Variants in ZMYND8 observed in about 807,000 individuals in gnomAD.
ZMYND8 encodes the protein zinc finger MYND-type containing 8, also known as MYND-type zinc finger-containing chromatin reader ZMYND8.
ZMYND8 carries 37 observed loss-of-function variants against 140.8 expected under a neutral mutation model. The ratio of observed to expected loss-of-function variants is 0.26; its 90% CI spans 0.20 to 0.35. The LOEUF (loss-of-function observed/expected upper bound fraction) is 0.35, where lower values mean the gene tolerates loss of function less well. Ranked by LOEUF, ZMYND8 falls within the 10% of genes least tolerant of loss-of-function variation. The pLI, the probability that ZMYND8 is intolerant of heterozygous loss-of-function variation, is 1.00. For synonymous variants in ZMYND8, 592 were observed against 597.1 expected (o/e 0.99, Z 0.12); for missense variants, 1,068 against 1,570.0 (o/e 0.68, Z 5.40).
chr20:47,224,482 G>C lies in ZMYND8; in HGVS notation c.3091C>G (p.Leu1031Val). ...ACCGCCTGCTGCTTCTCCAACTCCA[G>C]CTGCTTCTTCACCTCGGCGATGAGC... is the stretch of plus-strand genomic sequence containing the variant. Reference protein sequence around the residue: ...DRLIAEVKKQLELEKQQAVDE... With the variant: ...DRLIAEVKKQVELEKQQAVDE... Residue 1031 changes from leucine (L) to valine (V), a missense_variant, in exon 19 of 23, where the codon CTG becomes GTG. Leu to Val is a conservative substitution (Grantham distance 32). This residue lies in a region of ZMYND8 where 87 missense variants were observed against 151.1 expected (regional missense o/e 0.58). Coordinates refer to ENST00000471951, the MANE Select transcript of ZMYND8 (RefSeq NM_001281775.3). 2 of 1,614,234 alleles carry C rather than the reference G, an allele frequency of 1.2e-6. No individual in the cohort carries two copies. Among genetic ancestry groups the C allele is most frequent in the Non-Finnish European group, 1.7e-6 (2 of 1,180,056 alleles).
chr20:47,298,547 G>A lies in ZMYND8; in HGVS notation c.453+182C>T. The A allele has an allele frequency of 1.0e-6, 1 of 985,436 alleles. No homozygotes were observed. The highest frequency in any genetic ancestry group is 1.2e-6 in the Non-Finnish European group (1 of 829,934). The allele number at this position is 985,436 out of a possible 1,614,324, so 61.0% of individuals were successfully genotyped here. Reference sequence around the variant, plus strand: ...ATTCCGTGCAATTGTCTTTCCAAGAGCTGCAGTACTGCAGCCACTGCCGGT... The same window carrying A: ...ATTCCGTGCAATTGTCTTTCCAAGAACTGCAGTACTGCAGCCACTGCCGGT... On this transcript the variant is annotated intron_variant, in intron 4 of 22. Coordinates refer to ENST00000471951, the MANE Select transcript of ZMYND8 (RefSeq NM_001281775.3). The surrounding 1 kb of genome is among the most constrained non-coding windows in gnomAD (Gnocchi z 5.0).
At chr20:47,327,007 C>A (rs950944097) in intron 2 of ZMYND8, among the ~76,000 whole-genome samples, 1 of 152,048 alleles carries the variant, frequency 6.6e-6, no homozygotes, top group African/African-American at 2.4e-5. Flanking sequence ...TGGGGAGTTA[C>A]GGGAGGGTCA....
At chr20:47,303,011 A>AC (rs1483439925) in intron 3 of ZMYND8, among the ~76,000 whole-genome samples, 1 of 152,012 alleles carries the variant, frequency 6.6e-6, no homozygotes, top group Non-Finnish European at 1.5e-5. Flanking sequence ...ATACTCTAAC[A>AC]CCCTCACACA....
At chr20:47,286,379 A>C (rs1316637031) in intron 8 of ZMYND8, among the ~76,000 whole-genome samples, 1 of 151,930 alleles carries the variant, frequency 6.6e-6, no homozygotes, top group East Asian at 1.9e-4. Flanking sequence ...GGGTTTTGCC[A>C]TGTTGGCCAG....
chr20:47,215,458 A>G (rs2035952264), intron 21 of ZMYND8, among the ~76,000 whole-genome samples: 1 of 152,086 alleles, frequency 6.6e-6, no homozygotes, highest in Admixed American at 6.5e-5. Flanking sequence ...ACTGTATCAT[A>G]GCAGCAGCGG....
intron 11 of ZMYND8, 109 bp from the exon 12 acceptor site, chr20:47,262,537 A>T: frequency 6.9e-7 from 1 of 1,453,328 alleles, no homozygotes; most frequent in African/African-American, 1.4e-5. Flanking sequence ...GTTTGATTTC[A>T]GCAAGGCCGC....
intron 3 of ZMYND8, among the ~76,000 whole-genome samples, chr20:47,306,653 C>T (rs1023269947): frequency 1.5e-4 from 22 of 150,964 alleles, no homozygotes; most frequent in Non-Finnish European, 2.2e-4. Context: ...TCACTGCAAC[C>T]GCTGCCTCCC....
At chr20:47,302,040 T>C (rs539230631) in intron 3 of ZMYND8, among the ~76,000 whole-genome samples, 1 of 152,320 alleles carries the variant, frequency 6.6e-6, no homozygotes, top group African/African-American at 2.4e-5. Context: ...ACCTTGATTG[T>C]AAGTTTCCTG....
chr20:47,271,307 T>C (rs149782480), intron 11 of ZMYND8, among the ~76,000 whole-genome samples: 80 of 152,312 alleles, frequency 5.3e-4, no homozygotes, highest in African/African-American at 1.9e-3. Flanking sequence ...ACATGGTGCA[T>C]GCTAGCATTT....
rs551054202 is a variant in ZMYND8, at chr20:47,347,167, G to A, written c.85+689C>T. ...GAGCCTTTTCATCAACCAAAGATAC[G>A]AAAAATACTCCAGTAGCTCATTTGT... On this transcript the variant is annotated intron_variant, in intron 2 of 22. Transcript: ENST00000471951. Among the ~76,000 whole-genome samples the A allele has an allele frequency of 3.3e-5, 5 of 152,182 alleles. No homozygotes were observed. The South Asian group carries it at 8.3e-4, about 25-fold the overall frequency.
chr20:47,283,743 T>TA, intron 8 of ZMYND8, 95 bp from the exon 9 acceptor site: 3 of 1,282,438 alleles, frequency 2.3e-6, no homozygotes, highest in Non-Finnish European at 3.3e-6. Context: ...TTAAGATGTT[T>TA]TAAAGTCCCA....
intron 2 of ZMYND8, among the ~76,000 whole-genome samples, chr20:47,329,308 T>A (rs956094115): frequency 6.6e-6 from 1 of 152,222 alleles, no homozygotes; most frequent in African/African-American, 2.4e-5. Context: ...CTGTTCTCTA[T>A]CAGTGCTGTC....
chr20:47,268,545 G>A (rs1406232869), intron 11 of ZMYND8, among the ~76,000 whole-genome samples: 1 of 151,322 alleles, frequency 6.6e-6, no homozygotes, highest in Non-Finnish European at 1.5e-5. Flanking sequence ...CGCCCGCCTC[G>A]GCCTCCCAAA....
intron 3 of ZMYND8, among the ~76,000 whole-genome samples, chr20:47,308,117 CAAA>C (rs1223467106): frequency 4.8e-5 from 5 of 103,684 alleles, no homozygotes; most frequent in South Asian, 3.1e-4. Context: ...GACTCTGTCT[CAAA>C]AAAAAAAAAA....
At chr20:47,230,284 GT>G (rs200382376) in intron 16 of ZMYND8, among the ~76,000 whole-genome samples, 1 of 150,152 alleles carries the variant, frequency 6.7e-6, no homozygotes, top group South Asian at 2.1e-4. Context: ...GATGTGTGGT[GT>G]TTTTTTTGTT....
At chr20:47,215,381 A>G (rs112571556) in intron 21 of ZMYND8, among the ~76,000 whole-genome samples, 9 of 149,246 alleles carry the variant, frequency 6.0e-5, no homozygotes, top group Non-Finnish European at 1.1e-4. Flanking sequence ...TCAAATACTA[A>G]TAATAATAAT....
In ZMYND8 at chr20:47,246,498, T is replaced by C. The variant is rs1236281015; in HGVS notation, c.1794A>G (p.Glu598=). Residue 598 remains glutamate, a synonymous_variant, in exon 14 of 23, where the codon GAA becomes GAG. Transcript: ENST00000471951. ...TGTGCTCTACGGCCGTATAGACATC[T>C]TCCGAGATTTCATTTATGCCTAAAT... The part of the protein sequence containing the change: ...KAQLGINEIS[E]DVYTAVEHSD... 1 of 1,578,132 alleles carries C rather than the reference T, an allele frequency of 6.3e-7. No homozygotes were observed. Among genetic ancestry groups the C allele is most frequent in the Non-Finnish European group, 8.6e-7 (1 of 1,164,748 alleles).
In ZMYND8 at chr20:47,210,296, C is replaced by T. The variant is rs1057167518; in HGVS notation, c.*465G>A. On this transcript the variant is annotated 3_prime_UTR_variant, in exon 23 of 23. Coordinates refer to ENST00000471951, the MANE Select transcript of ZMYND8 (RefSeq NM_001281775.3). ...TCCCCTGGGTATCCAAGGATGAGGACGTGAGTATGAAAGTGGTCCCCGGGC... is the reference window on the plus strand; with the variant it reads ...TCCCCTGGGTATCCAAGGATGAGGATGTGAGTATGAAAGTGGTCCCCGGGC... 6 of 161,210 alleles carry T rather than the reference C, an allele frequency of 3.7e-5. No individual in the cohort carries two copies. Among genetic ancestry groups the T allele is most frequent in the African/African-American group, 9.7e-5 (4 of 41,420 alleles). The allele number at this position is 161,210 out of a possible 1,614,324, so 10.0% of individuals were successfully genotyped here.
chr20:47,314,135 A>G (rs565405279), intron 2 of ZMYND8, among the ~76,000 whole-genome samples: 2 of 152,272 alleles, frequency 1.3e-5, no homozygotes, highest in South Asian at 2.1e-4. Context: ...AGGGGAGTCC[A>G]GGGAAGGATT....
Sources: allele counts gnomAD v4.1 joint callset (sites outside exome capture counted in the v4.1 genomes callset), GRCh38; gene constraint gnomAD v4.1.1; regional missense constraint gnomAD v4.1.1; non-coding constraint Gnocchi (gnomAD v3.1); transcripts MANE v1.5; gene names NCBI Gene and HGNC (gene_info 2026-07-23, HGNC 2026-07-21).